Variants in SH3TC2 observed in about 807,000 individuals in gnomAD.
SH3TC2 encodes SH3 domain and tetratricopeptide repeat-containing protein 2.
In SH3TC2, 87 loss-of-function variants were observed where a neutral mutation model predicts 124.5. That is an observed-to-expected ratio of 0.70 (90% CI 0.59 to 0.84). SH3TC2 has a LOEUF of 0.84. Among genes scored for constraint, SH3TC2 ranks in the 40% least tolerant of loss-of-function variants. The pLI is 0.00. For missense variants in SH3TC2, 1,536 were observed against 1,566.4 expected, an observed-to-expected ratio of 0.98 and a Z score of 0.33; for synonymous variants, 634 against 628.5, an observed-to-expected ratio of 1.01 and a Z score of -0.13.
intron 1 of SH3TC2, chr5:149,062,234 G>A (rs1754765111): frequency 4.7e-6 from 2 of 428,754 alleles, no homozygotes; most frequent in Admixed American, 2.8e-5. Context: ...TTTCCCCAAA[G>A]CCACCACTCA....
Position 149,028,665 on chromosome 5 carries a change from A to G in SH3TC2, c.1177+12T>C. ...AAGGATGAATGTCAGGTTCAGCATG[A>G]TCGCTACTCACCACTCAGATCATTT... On this transcript the variant is annotated intron_variant, in intron 10 of 16. Coordinates refer to ENST00000515425, the MANE Select transcript of SH3TC2 (RefSeq NM_024577.4). 1.2e-6 allele frequency: 2 copies of G among 1,614,226 alleles called. No individual in the cohort carries two copies. Among genetic ancestry groups the G allele is most frequent in the Non-Finnish European group, 1.7e-6 (2 of 1,180,038 alleles).
rs114684316 is a variant in SH3TC2, at chr5:149,008,339, A to T, written c.3478+512T>A. 2.3e-3 allele frequency: 426 copies of T among 184,502 alleles called. 1 individual carries two copies. Among genetic ancestry groups the T allele is most frequent in the African/African-American group, 9.2e-3 (392 of 42,404 alleles). The allele number at this position is 184,502 out of a possible 1,614,324, so 11.4% of individuals were successfully genotyped here. ...CTTTTGACATAAACACAAGATATTC[A>T]GCTATGTTCTGAGTTAGGGTAATGG... On this transcript the variant is annotated intron_variant, in intron 15 of 16. Transcript: ENST00000515425.
rs1753285080 is a variant in SH3TC2, at chr5:148,983,529, T to C, written c.*21182A>G. ...AAGAAACCAAATGCAGCTCCCTTTT[T>C]TACAGTTCTGCATATGTGGGAGCTG... On this transcript the variant is annotated 3_prime_UTR_variant, in exon 17 of 17. Transcript: ENST00000515425. 6.6e-6 allele frequency among the ~76,000 whole-genome samples: 1 copy of C among 152,198 alleles called. No homozygotes were observed. Among genetic ancestry groups the C allele is most frequent in the Non-Finnish European group, 1.5e-5 (1 of 68,032 alleles).
rs1410226211 is a variant in SH3TC2 at position 148,985,066 on chromosome 5, T to C, written c.*19645A>G. Among the ~76,000 whole-genome samples the C allele has an allele frequency of 1.3e-5, 2 of 152,044 alleles. No individual in the cohort carries two copies. Among genetic ancestry groups the C allele is most frequent in the African/African-American group, 2.4e-5 (1 of 41,402 alleles). On this transcript the variant is annotated 3_prime_UTR_variant, in exon 17 of 17. Coordinates refer to ENST00000515425, the MANE Select transcript of SH3TC2 (RefSeq NM_024577.4). ...CTAATCTGGTTAACTGAGACTCTTC[T>C]TGATAGAACTTTTATTGGTTCTGAC...
rs896099178 is a variant in SH3TC2, at chr5:148,994,801, A to G, written c.*9910T>C. 3.9e-5 allele frequency among the ~76,000 whole-genome samples: 6 copies of G among 152,054 alleles called. No individual in the cohort carries two copies. Among genetic ancestry groups the G allele is most frequent in the Non-Finnish European group, 7.4e-5 (5 of 68,022 alleles). ...CCGTCTGCATCCTCTGTCCCAAAGG[A>G]GCTAAACTCAGACTTTTCTTCCTAG... On this transcript the variant is annotated 3_prime_UTR_variant, in exon 17 of 17. Coordinates refer to ENST00000515425, the MANE Select transcript of SH3TC2 (RefSeq NM_024577.4).
At position 148,996,435 on chromosome 5, in the gene SH3TC2, T is replaced by C. The variant is rs926602038; in HGVS notation, c.*8276A>G. On this transcript the variant is annotated 3_prime_UTR_variant, in exon 17 of 17. Coordinates refer to ENST00000515425, the MANE Select transcript of SH3TC2 (RefSeq NM_024577.4). The stretch of plus-strand genomic sequence containing the variant: ...TCCTCCAAGTAATCTTTCTGTTTGC[T>C]ATCCTTTCCCTCCACCCACTACAGC... 6.6e-6 allele frequency among the ~76,000 whole-genome samples: 1 copy of C among 152,198 alleles called. No homozygotes were observed. The highest frequency in any genetic ancestry group is 1.5e-5 in the Non-Finnish European group (1 of 68,022).
At position 149,042,821 on chromosome 5, in the gene SH3TC2, A is replaced by G; in HGVS notation, c.402T>C (p.Cys134=). 1 of 1,614,170 alleles carries G rather than the reference A, an allele frequency of 6.2e-7. No homozygotes were observed. Among genetic ancestry groups the G allele is most frequent in the Non-Finnish European group, 8.5e-7 (1 of 1,180,032 alleles). The change falls in exon 5 of 17, where the codon TGT becomes TGC. Residue 134 remains cysteine, a synonymous_variant. Coordinates refer to ENST00000515425, the MANE Select transcript of SH3TC2 (RefSeq NM_024577.4). ...TGTGGTCAAAGAGGAGATGTTCTAG[A>G]CACATGGATACGTAGCCTAAGAAGT... is the stretch of plus-strand genomic sequence containing the variant. ...TYLNLGYVSM[C]LEHLLFDHKY...
rs1753298272 is a variant in SH3TC2, at chr5:148,984,244, C to T, written c.*20467G>A. 6.6e-6 allele frequency among the ~76,000 whole-genome samples: 1 copy of T among 151,992 alleles called. No homozygotes were observed. The highest frequency in any genetic ancestry group is 2.4e-5 in the African/African-American group (1 of 41,402). On this transcript the variant is annotated 3_prime_UTR_variant, in exon 17 of 17. Transcript: ENST00000515425. The stretch of plus-strand genomic sequence containing the variant: ...TTCTTTTTTCTTTTTGTTCCTTCGA[C>T]TGGATAATTTCAAGTGTCCTGTCTT...
rs199991156 is a variant in SH3TC2, at chr5:149,027,810, C to T, written c.1922G>A (p.Arg641His). 4.5e-5 allele frequency: 72 copies of T among 1,613,912 alleles called. No individual in the cohort carries two copies. Among genetic ancestry groups the T allele is most frequent in the South Asian group, 1.3e-4 (12 of 91,084 alleles). Residue 641 changes from arginine to histidine, a missense_variant, in exon 11 of 17, where the codon CGC becomes CAC. Coordinates refer to ENST00000515425, the MANE Select transcript of SH3TC2 (RefSeq NM_024577.4). ...GTGCCGGCCTAGGCTCAGGAGCAAG[C>T]GGATGGCCAGAAAGCAGGCCCTGGC... ...LEARACFLAI[R>H]LLLSLGRHEE...
intron 12 of SH3TC2, among the ~76,000 whole-genome samples, chr5:149,019,201 GC>G (rs1753928418): frequency 6.6e-6 from 1 of 152,102 alleles, no homozygotes; most frequent in South Asian, 2.1e-4. Context: ...TTTTTACTCA[GC>G]TACCAGGAAG....
chr5:149,017,441 G>C (rs1321871902), intron 12 of SH3TC2, among the ~76,000 whole-genome samples: 1 of 152,110 alleles, frequency 6.6e-6, no homozygotes, highest in Non-Finnish European at 1.5e-5. Flanking sequence ...GCAGATATTA[G>C]ACAAAGGGAC....
intron 1 of SH3TC2, among the ~76,000 whole-genome samples, chr5:149,055,337 T>A (rs1266694465): frequency 6.6e-6 from 1 of 152,116 alleles, no homozygotes; most frequent in Non-Finnish European, 1.5e-5. Flanking sequence ...GAGAAATAGG[T>A]AGCCAGCCCA....
chr5:149,052,145 G>A lies in SH3TC2; in HGVS notation c.148C>T (p.Pro50Ser), dbSNP rs1057518369. ...CTTGTCTTTGGCATTTGGATACCTGGATTAATGTTCTGTGGCAGAAAACAT... is the reference window on the plus strand; with the variant it reads ...CTTGTCTTTGGCATTTGGATACCTGAATTAATGTTCTGTGGCAGAAAACAT... Reference protein sequence around the residue: ...EKCFLPQNINPDLTLSFCVKS... With the variant: ...EKCFLPQNINSDLTLSFCVKS... The change falls in exon 2 of 17, where the codon CCA (proline) becomes TCA (serine). Residue 50 changes from proline (P) to serine (S), a missense_variant. By Grantham distance (74) the Pro-to-Ser change is moderately conservative (BLOSUM62 -1). Around this residue, in one of 3 missense-constraint regions of SH3TC2, gnomAD observed 1,102 missense variants for 1,098.6 expected, o/e 1.00. Coordinates refer to ENST00000515425, the MANE Select transcript of SH3TC2 (RefSeq NM_024577.4). 2.6e-5 allele frequency: 42 copies of A among 1,604,378 alleles called. No homozygotes were observed. The highest frequency in any genetic ancestry group is 1.7e-4 in the Middle Eastern group (1 of 6,038).
At position 148,986,664 on chromosome 5, in the gene SH3TC2, C is replaced by A. The variant is rs942312637; in HGVS notation, c.*18047G>T. Among the ~76,000 whole-genome samples, 4 of 152,114 alleles carry A rather than the reference C, an allele frequency of 2.6e-5. No individual in the cohort carries two copies. Among genetic ancestry groups the A allele is most frequent in the South Asian group, 2.1e-4 (1 of 4,820 alleles). On this transcript the variant is annotated 3_prime_UTR_variant, in exon 17 of 17. Coordinates refer to ENST00000515425, the MANE Select transcript of SH3TC2 (RefSeq NM_024577.4). ...AACAGGTTTGAGTACATGACAGATACCTTTTTTGACAAATTATTAAGCCAC... is the reference window on the plus strand; with the variant it reads ...AACAGGTTTGAGTACATGACAGATAACTTTTTTGACAAATTATTAAGCCAC...
rs1379312857 is a variant in SH3TC2 at position 148,998,674 on chromosome 5, G to C, written c.*6037C>G. Among the ~76,000 whole-genome samples the C allele has an allele frequency of 1.3e-5, 2 of 152,192 alleles. No individual in the cohort carries two copies. The highest frequency in any genetic ancestry group is 2.9e-5 in the Non-Finnish European group (2 of 68,038). On this transcript the variant is annotated 3_prime_UTR_variant, in exon 17 of 17. Transcript: ENST00000515425. The stretch of plus-strand genomic sequence containing the variant: ...AGTCCTGGCCACGCAAGTTATTCTT[G>C]ATCCTGCACCATGGCAGCTGGGGAG...
In SH3TC2 at chr5:148,987,776, A is replaced by G. The variant is rs1253717755; in HGVS notation, c.*16935T>C. On this transcript the variant is annotated 3_prime_UTR_variant, in exon 17 of 17. Coordinates refer to ENST00000515425, the MANE Select transcript of SH3TC2 (RefSeq NM_024577.4). Reference sequence around the variant, plus strand: ...CTTAACAAGCATGGGAAGCTCACCAAGTCATGTCCTCACTCGAGGCCTCAT... The same window carrying G: ...CTTAACAAGCATGGGAAGCTCACCAGGTCATGTCCTCACTCGAGGCCTCAT... Among the ~76,000 whole-genome samples the G allele has an allele frequency of 2.0e-5, 3 of 151,184 alleles. No homozygotes were observed. In the East Asian group the frequency reaches 5.8e-4, roughly 29 times the overall value.
intron 12 of SH3TC2, among the ~76,000 whole-genome samples, chr5:149,018,283 C>G (rs1346905436): frequency 6.6e-6 from 1 of 152,136 alleles, no homozygotes; most frequent in Non-Finnish European, 1.5e-5. Context: ...TGCAACCCCC[C>G]GCCCCCATGC....
intron 1 of SH3TC2, among the ~76,000 whole-genome samples, chr5:149,052,905 C>T (rs1754582652): frequency 6.6e-6 from 1 of 152,180 alleles, no homozygotes; most frequent in African/African-American, 2.4e-5. Flanking sequence ...GAAGTAGTTA[C>T]AGAAGGAAAT....
intron 5 of SH3TC2, 132 bp downstream of exon 5, chr5:149,042,562 T>C (rs555019257): frequency 9.2e-7 from 1 of 1,089,616 alleles, no homozygotes; most frequent in African/African-American, 1.5e-5. Context: ...AGTACTATTA[T>C]AACAGGTGGG....
Sources: gnomAD v4.1 joint callset for allele counts (sites outside exome capture counted in the v4.1 genomes callset) on GRCh38, gnomAD v4.1.1 for gene constraint, gnomAD v4.1.1 regional missense constraint, MANE v1.5 for transcripts, NCBI Gene and HGNC (gene_info 2026-07-23, HGNC 2026-07-21) for gene names.